ADCY7: variants seen among roughly 807,000 people sequenced by gnomAD.
ADCY7 encodes the protein adenylate cyclase type 7.
Under a neutral mutation model 120.6 loss-of-function variants are expected in ADCY7, and 72 were observed. The ratio of observed to expected loss-of-function variants is 0.60; its 90% CI spans 0.49 to 0.73. ADCY7 has a LOEUF of 0.73. Ranked by LOEUF, ADCY7 falls within the 30% of genes least tolerant of loss-of-function variation. ADCY7 has a pLI of 0.00. For missense variants in ADCY7, 1,227 were observed against 1,486.0 expected, an observed-to-expected ratio of 0.83 and a Z score of 2.87; for synonymous variants, 661 against 628.0, an observed-to-expected ratio of 1.05 and a Z score of -0.78.
chr16:50,305,997 G>T (rs938617192), intron 14 of ADCY7, 148 bp downstream of exon 14: 2 of 754,708 alleles, frequency 2.7e-6, no homozygotes, highest in Admixed American at 2.1e-5. Flanking sequence ...TGGGCGGGGG[G>T]CAGGGGCGGG....
In ADCY7 at chr16:50,304,395, C is replaced by T; in HGVS notation, c.1404C>T (p.Pro468=). The T allele has an allele frequency of 7.0e-6, 11 of 1,573,110 alleles. No homozygotes were observed. Among genetic ancestry groups the T allele is most frequent in the Non-Finnish European group, 9.5e-6 (11 of 1,158,156 alleles). The change falls in exon 11 of 26, where the codon CCC becomes CCT. Residue 468 remains proline (P), a synonymous_variant. Transcript: ENST00000673801. ...CACCCCCGCCCAGCCAACACCTCCC[C>T]AGGCCCAAGGGGGACGCGGCCCTGA... ...QQPPPPSQHL[P]RPKGDAALKM...
chr16:50,264,674 T>G (rs1454933662), upstream of ADCY7, among the ~76,000 whole-genome samples: 3 of 152,184 alleles, frequency 2.0e-5, no homozygotes, highest in South Asian at 2.1e-4. Flanking sequence ...CAGTGGAATC[T>G]CTATATGGTT....
chr16:50,282,191 G>T (rs1417309588), intron 1 of ADCY7, among the ~76,000 whole-genome samples: 3 of 152,258 alleles, frequency 2.0e-5, no homozygotes, highest in Admixed American at 6.5e-5. Context: ...GGCCGGGTGA[G>T]GAAGTGGGTG....
At position 50,310,814 on chromosome 16, in the gene ADCY7, C is replaced by T. The variant is rs77661864; in HGVS notation, c.2288C>T (p.Pro763Leu). Reference protein sequence around the residue: ...VAYLVLFNLSPCWQWDCCGQG... With the variant: ...VAYLVLFNLSLCWQWDCCGQG... Reference sequence around the variant, plus strand: ...TACCTGGTGCTCTTCAACCTCTCCCCATGCTGGCAGTGGGACTGCTGCGGC... The same window carrying T: ...TACCTGGTGCTCTTCAACCTCTCCCTATGCTGGCAGTGGGACTGCTGCGGC... Residue 763 changes from proline (P) to leucine (L), a missense_variant, in exon 19 of 26, where the codon CCA becomes CTA. Physicochemically the swap from Pro to Leu is moderately conservative, Grantham distance 98. This residue lies in a region of ADCY7 where 267 missense variants were observed against 270.0 expected (regional missense o/e 0.99). Transcript: ENST00000673801. The T allele has an allele frequency of 1.6e-4, 261 of 1,613,988 alleles. No individual in the cohort carries two copies. The highest frequency in any genetic ancestry group is 4.9e-4 in the Middle Eastern group (3 of 6,062).
In ADCY7 at chr16:50,304,684, C is replaced by T. The variant is rs1343288678; in HGVS notation, c.1560+133C>T. The T allele has an allele frequency of 7.6e-6, 8 of 1,046,600 alleles. No homozygotes were observed. In the South Asian group the frequency reaches 1.2e-4, roughly 16 times the overall value. The allele number at this position is 1,046,600 out of a possible 1,614,324, so 64.8% of individuals were successfully genotyped here. On this transcript the variant is annotated intron_variant, in intron 11 of 25. Transcript: ENST00000673801. ...TAAAATGGCCACAGCCTCTGCCCCA[C>T]CTCCTGGGGCTGGAGAGGAAGCAAA...
At chr16:50,266,546 G>T, upstream of ADCY7, 2 of 158,496 alleles carry the variant, frequency 1.3e-5, no homozygotes, top group South Asian at 2.9e-4. Flanking sequence ...TCCCAGATGT[G>T]ACTCACTCTC....
At chr16:50,258,595 ATTT>A (rs5816685) in intron 1 of ADCY7, among the ~76,000 whole-genome samples, 2,845 of 140,358 alleles carry the variant, frequency 0.02, 98 homozygotes, top group African/African-American at 0.071. Context: ...TTAAGGTAGT[ATTT>A]TTTTTTTTTT....
At chr16:50,289,779 G>T (rs1188677254) in intron 2 of ADCY7, among the ~76,000 whole-genome samples, 1 of 152,224 alleles carries the variant, frequency 6.6e-6, no homozygotes, top group African/African-American at 2.4e-5. Flanking sequence ...TTTCTTTTTA[G>T]TGAATGTAAA....
chr16:50,277,693 C>T (rs1245146873), intron 1 of ADCY7, among the ~76,000 whole-genome samples: 3 of 117,080 alleles, frequency 2.6e-5, no homozygotes, highest in African/African-American at 3.5e-5. Flanking sequence ...TTTTTTGAGG[C>T]GGAGTCTTGC....
intron 16 of ADCY7, 73 bp downstream of exon 16, chr16:50,308,484 T>C: frequency 6.2e-7 from 1 of 1,600,280 alleles, no homozygotes; most frequent in Non-Finnish European, 8.5e-7. Flanking sequence ...CCCTCCCTGG[T>C]GAGCTTGGCT....
chr16:50,314,161 G>A, intron 23 of ADCY7, 99 bp downstream of exon 23: 3 of 1,414,606 alleles, frequency 2.1e-6, no homozygotes, highest in Non-Finnish European at 3.0e-6. Context: ...TCCTGGGGGA[G>A]GGGCACAGGT....
intron 1 of ADCY7, among the ~76,000 whole-genome samples, chr16:50,259,921 G>A (rs2033014852): frequency 6.6e-6 from 1 of 152,230 alleles, no homozygotes; most frequent in African/African-American, 2.4e-5. Flanking sequence ...GATGTGGGCA[G>A]AGGCCTGGAG....
chr16:50,274,320 G>C (rs1040313544), intron 1 of ADCY7: 2 of 152,390 alleles, frequency 1.3e-5, no homozygotes, highest in African/African-American at 4.8e-5. Flanking sequence ...GTGCCCAATA[G>C]CTCCGTAAGG....
At chr16:50,258,242 A>AAAT (rs1361765046) in intron 1 of ADCY7, among the ~76,000 whole-genome samples, 1 of 152,134 alleles carries the variant, frequency 6.6e-6, no homozygotes, top group Non-Finnish European at 1.5e-5. Context: ...TCTCTTTAAA[A>AAAT]AATAATAATA....
chr16:50,269,964 G>A (rs1052045421), intron 1 of ADCY7, among the ~76,000 whole-genome samples: 18 of 152,136 alleles, frequency 1.2e-4, no homozygotes, highest in African/African-American at 3.4e-4. Context: ...TGAAGTGGGC[G>A]GATCACTTGA....
rs142072242 is a variant in ADCY7, at chr16:50,295,636, G to A, written c.948+885G>A. Among the ~76,000 whole-genome samples the A allele has an allele frequency of 2.1e-3, 324 of 152,274 alleles. 1 individual carries two copies. Among genetic ancestry groups the A allele is most frequent in the African/African-American group, 7.3e-3 (305 of 41,558 alleles). On this transcript the variant is annotated intron_variant, in intron 7 of 25. Coordinates refer to ENST00000673801, the MANE Select transcript of ADCY7 (RefSeq NM_001114.5). ...GGGTGAACGTGCTCAGTGTGCGTGT[G>A]AGGTGTGAGGGGGACAAGGGCACAA...
chr16:50,250,767 T>G (rs907415671), intron 1 of ADCY7, among the ~76,000 whole-genome samples: 5 of 152,186 alleles, frequency 3.3e-5, no homozygotes, highest in African/African-American at 1.2e-4. Context: ...TAACTGTTTA[T>G]ATGAGCCCTT....
At chr16:50,309,479 A>G in intron 17 of ADCY7, 69 bp from the exon 18 acceptor site, 1 of 1,360,350 alleles carries the variant, frequency 7.4e-7, no homozygotes. Flanking sequence ...CCTGGGGCCC[A>G]CCTTGCATGG....
chr16:50,248,119 G>A (rs2032645919), intron 1 of ADCY7, among the ~76,000 whole-genome samples: 1 of 152,232 alleles, frequency 6.6e-6, no homozygotes, highest in Admixed American at 6.5e-5. Context: ...TGGTGGAGCT[G>A]GTTTGGGTCC....
Sources: gnomAD v4.1 joint callset for allele counts (sites outside exome capture counted in the v4.1 genomes callset) on GRCh38, gnomAD v4.1.1 for gene constraint, gnomAD v4.1.1 regional missense constraint, MANE v1.5 for transcripts, NCBI Gene and HGNC (gene_info 2026-07-23, HGNC 2026-07-21) for gene names.